Variants in PLEKHD1 observed in about 807,000 individuals in gnomAD.
The protein encoded by PLEKHD1 is pleckstrin homology domain-containing family D member 1.
Under a neutral mutation model 69.2 loss-of-function variants are expected in PLEKHD1, and 51 were observed. The ratio of observed to expected loss-of-function variants is 0.74; its 90% CI spans 0.59 to 0.93. PLEKHD1 has a LOEUF of 0.93. Ranked by LOEUF, PLEKHD1 falls within the 40% of genes least tolerant of loss-of-function variation. The pLI is 0.00. For synonymous variants in PLEKHD1, 236 were observed against 244.7 expected (o/e 0.96, Z 0.33); for missense variants, 584 against 641.0 (o/e 0.91, Z 0.96).
chr14:69,489,968 G>A (rs1242401672), intron 1 of PLEKHD1, among the ~76,000 whole-genome samples: 4 of 152,188 alleles, frequency 2.6e-5, no homozygotes, highest in Non-Finnish European at 5.9e-5. Context: ...CCAGGTTCAA[G>A]GAATTCTCAT....
the PLEKHD1 span, among the ~76,000 whole-genome samples, chr14:69,475,996 G>A: frequency 0.12 from 18,602 of 152,234 alleles, 1,385 homozygotes; most frequent in Middle Eastern, 0.26. Flanking sequence ...AATGGCTCAC[G>A]CCTATAATCC....
chr14:69,516,610 C>G (rs1731634612), intron 6 of PLEKHD1, among the ~76,000 whole-genome samples: 1 of 151,932 alleles, frequency 6.6e-6, no homozygotes, highest in Non-Finnish European at 1.5e-5. Flanking sequence ...TCTTCCTGAC[C>G]AAGAAGAAGC....
At chr14:69,514,037 A>G (rs986568651) in intron 6 of PLEKHD1, among the ~76,000 whole-genome samples, 1 of 151,740 alleles carries the variant, frequency 6.6e-6, no homozygotes, top group Non-Finnish European at 1.5e-5. Flanking sequence ...GATTTTTTGA[A>G]GTTTAAATAT....
chr14:69,494,365 T>C (rs1366178375), intron 1 of PLEKHD1, among the ~76,000 whole-genome samples: 1 of 152,154 alleles, frequency 6.6e-6, no homozygotes, highest in African/African-American at 2.4e-5. Flanking sequence ...CTCTGGCCCA[T>C]CTGTTTCCTG....
At chr14:69,494,863 C>T (rs1046393051) in intron 1 of PLEKHD1, among the ~76,000 whole-genome samples, 1 of 152,202 alleles carries the variant, frequency 6.6e-6, no homozygotes, top group Non-Finnish European at 1.5e-5. Flanking sequence ...GTCACTGAGA[C>T]AGGTTTATAA....
In PLEKHD1 at chr14:69,486,173, T is replaced by C. The variant is rs528095075; in HGVS notation, c.149+1059T>C. ...TGCCCCTTCCCCATCCCACACTCTA[T>C]GAGTCTGCCCCTGAGCAGAGGGGGC... On this transcript the variant is annotated intron_variant, in intron 1 of 12. Coordinates refer to ENST00000322564, the MANE Select transcript of PLEKHD1 (RefSeq NM_001161498.2). Among the ~76,000 whole-genome samples the C allele has an allele frequency of 2.0e-3, 304 of 152,322 alleles. 2 individuals carry two copies. The highest frequency in any genetic ancestry group is 7.0e-3 in the African/African-American group (293 of 41,576).
At chr14:69,482,759 CA>C (rs1182531475), upstream of PLEKHD1, among the ~76,000 whole-genome samples, 1 of 152,030 alleles carries the variant, frequency 6.6e-6, no homozygotes, top group African/African-American at 2.4e-5. Context: ...GCTCCTAACA[CA>C]AGTTTTCTAG....
At chr14:69,469,657 C>T in the PLEKHD1 span, among the ~76,000 whole-genome samples, 2 of 152,038 alleles carry the variant, frequency 1.3e-5, no homozygotes, top group East Asian at 1.9e-4. Flanking sequence ...GCAATTCTCC[C>T]GCCTCACCCT....
chr14:69,512,532 AT>A (rs1883293544), intron 6 of PLEKHD1, among the ~76,000 whole-genome samples: 2 of 142,878 alleles, frequency 1.4e-5, no homozygotes, highest in South Asian at 6.0e-4. Context: ...GATGCTATGC[AT>A]TTCTCTCAAA....
intron 6 of PLEKHD1, among the ~76,000 whole-genome samples, chr14:69,505,187 C>T (rs1347416790): frequency 1.3e-5 from 2 of 152,200 alleles, no homozygotes; most frequent in East Asian, 3.8e-4. Context: ...TCAGGCCCAG[C>T]TGGTACCCAC....
In PLEKHD1 at chr14:69,528,451, C is replaced by A. The variant is rs1310557200; in HGVS notation, c.*32C>A. ...CTCCTCCCCTGCTTCCCAAGTCTCC[C>A]CTGGATGGGCGGGGGAGGGGAAGGG... On this transcript the variant is annotated 3_prime_UTR_variant, in exon 13 of 13. Transcript: ENST00000322564. The A allele has an allele frequency of 1.3e-6, 2 of 1,543,962 alleles. No individual in the cohort carries two copies. Among genetic ancestry groups the A allele is most frequent in the Non-Finnish European group, 1.7e-6 (2 of 1,144,232 alleles).
chr14:69,493,204 C>T (rs1882815485), intron 1 of PLEKHD1, among the ~76,000 whole-genome samples: 1 of 152,236 alleles, frequency 6.6e-6, no homozygotes, highest in African/African-American at 2.4e-5. Flanking sequence ...ATCAGTCATG[C>T]TCTCTGACCT....
At chr14:69,476,994 T>TTTTATTTA in the PLEKHD1 span, among the ~76,000 whole-genome samples, 110 of 149,474 alleles carry the variant, frequency 7.4e-4, no homozygotes, top group African/African-American at 1.9e-3. Context: ...CTCCCCTTTA[T>TTTTATTTA]TTTATTTATT....
At chr14:69,479,144 A>C in the PLEKHD1 span, among the ~76,000 whole-genome samples, 1 of 152,230 alleles carries the variant, frequency 6.6e-6, no homozygotes. Flanking sequence ...GAGCTCGTGC[A>C]GGGAAACTCC....
At position 69,506,891 on chromosome 14, in the gene PLEKHD1, CTTTTTTTTTTTTTTTT is replaced by C. The variant is rs1162412450; in HGVS notation, c.555+4025_555+4040del. ...ACTGTCCTAAAAATCCTGGCAACTG[CTTTTTTTTTTTTTTTT>C]TTTTTTTTTTTTAAAGACGGAATCT... On this transcript the variant is annotated intron_variant, in intron 6 of 12. Coordinates refer to ENST00000322564, the MANE Select transcript of PLEKHD1 (RefSeq NM_001161498.2). Among the ~76,000 whole-genome samples, 73 of 78,070 alleles carry C rather than the reference CTTTTTTTTTTTTTTTT, an allele frequency of 9.4e-4. 1 individual carries two copies. The highest frequency in any genetic ancestry group is 3.6e-3 in the Admixed American group (24 of 6,648). 51.2% of individuals were successfully genotyped at this position (78,070 alleles called of 152,430 possible).
chr14:69,497,780 G>A (rs185864473), intron 1 of PLEKHD1, among the ~76,000 whole-genome samples: 7 of 152,314 alleles, frequency 4.6e-5, no homozygotes, highest in Non-Finnish European at 7.3e-5. Context: ...TGCTGTTTCC[G>A]CAGTGGGGGC....
chr14:69,513,020 T>C (rs1757004403), intron 6 of PLEKHD1, among the ~76,000 whole-genome samples: 1 of 150,956 alleles, frequency 6.6e-6, no homozygotes, highest in Admixed American at 6.6e-5. Flanking sequence ...AACCCAGGAG[T>C]TACAATGAGC....
intron 1 of PLEKHD1, among the ~76,000 whole-genome samples, chr14:69,489,075 T>C (rs1407740014): frequency 6.6e-6 from 1 of 152,212 alleles, no homozygotes; most frequent in African/African-American, 2.4e-5. Context: ...GTGAGTTAAT[T>C]GTGCAAACAG....
chr14:69,507,663 C>T (rs953594961), intron 6 of PLEKHD1, among the ~76,000 whole-genome samples: 10 of 152,156 alleles, frequency 6.6e-5, no homozygotes, highest in East Asian at 1.9e-4. Context: ...CACATCCTTG[C>T]CAGCATTTGG....
Sources: gnomAD v4.1 joint callset for allele counts (sites outside exome capture counted in the v4.1 genomes callset) on GRCh38, gnomAD v4.1.1 for gene constraint, MANE v1.5 for transcripts, NCBI Gene and HGNC (gene_info 2026-07-23, HGNC 2026-07-21) for gene names.